The following FILIP1L variants were observed in gnomAD, a reference collection of about 807,000 sequenced individuals.
FILIP1L encodes the protein filamin A-interacting protein 1-like.
FILIP1L carries 55 observed loss-of-function variants against 96.6 expected under a neutral mutation model. The observed-to-expected ratio is 0.57, with a 90% confidence interval of 0.46 to 0.71. The LOEUF is 0.71. FILIP1L is among the 30% of genes least tolerant of loss of function. FILIP1L has a pLI of 0.00. For synonymous variants in FILIP1L, 467 were observed against 473.9 expected (o/e 0.99, Z 0.19); for missense variants, 1,304 against 1,321.2 (o/e 0.99, Z 0.20).
At chr3:99,906,289 G>GTTGAAACTCCCTTTCACATGCTT (rs1432552617) in intron 4 of FILIP1L, among the ~76,000 whole-genome samples, 23 of 152,268 alleles carry the variant, frequency 1.5e-4, no homozygotes, top group Admixed American at 1.3e-4. Flanking sequence ...GATTTATAAT[G>GTTGAAACTCCCTTTCACATGCTT]TTGAAACTCC....
chr3:99,852,495 G>T (rs1453891063), intron 4 of FILIP1L, among the ~76,000 whole-genome samples: 1 of 151,968 alleles, frequency 6.6e-6, no homozygotes, highest in Non-Finnish European at 1.5e-5. Flanking sequence ...CGCCAGGCTG[G>T]AGTGCAGTGG....
chr3:99,968,968 G>GAA (rs11414872), intron 1 of FILIP1L, among the ~76,000 whole-genome samples: 16 of 151,440 alleles, frequency 1.1e-4, no homozygotes, highest in South Asian at 4.2e-4. Flanking sequence ...GAAGCAAAAA[G>GAA]AAAAAAAAAT....
intron 1 of FILIP1L, among the ~76,000 whole-genome samples, chr3:100,000,585 T>C (rs1273020562): frequency 6.6e-6 from 1 of 152,202 alleles, no homozygotes; most frequent in East Asian, 1.9e-4. Flanking sequence ...CGCAGTAGCT[T>C]ATGGCTGTAA....
chr3:99,902,434 A>G lies in FILIP1L; in HGVS notation c.605+21796T>C, dbSNP rs539833488. 2.9e-4 allele frequency among the ~76,000 whole-genome samples: 44 copies of G among 152,346 alleles called. 1 individual carries two copies. In the South Asian group the frequency reaches 8.9e-3, roughly 31 times the overall value. ...AGATGCATTTCCATGGGAGGACATG[A>G]AAAAAGGTAGTGAAAATGAAATACC... is the stretch of plus-strand genomic sequence containing the variant. On this transcript the variant is annotated intron_variant, in intron 4 of 5. Coordinates refer to ENST00000477258, the MANE Select transcript of FILIP1L (RefSeq NM_001387850.1).
At chr3:99,958,566 TG>T (rs1322635003) in intron 1 of FILIP1L, among the ~76,000 whole-genome samples, 1 of 152,088 alleles carries the variant, frequency 6.6e-6, no homozygotes, top group Non-Finnish European at 1.5e-5. Flanking sequence ...CACGGGGAAA[TG>T]GTCACATGGG....
At chr3:99,991,110 C>T (rs1334066050) in intron 1 of FILIP1L, among the ~76,000 whole-genome samples, 1 of 152,118 alleles carries the variant, frequency 6.6e-6, no homozygotes, top group African/African-American at 2.4e-5. Flanking sequence ...AAAATTCTTC[C>T]CATCTCCCCC....
At chr3:100,023,357 C>T (rs528851638) in intron 1 of FILIP1L, 6 of 152,720 alleles carry the variant, frequency 3.9e-5, no homozygotes, top group African/African-American at 1.4e-4. Flanking sequence ...GAAAGTCAAA[C>T]ATGGATGGCA....
intron 1 of FILIP1L, among the ~76,000 whole-genome samples, chr3:100,096,369 A>G (rs2066208580): frequency 6.6e-6 from 1 of 152,238 alleles, no homozygotes; most frequent in South Asian, 2.1e-4. Context: ...CTAAGTGTCC[A>G]TCAACAGATG....
chr3:99,941,222 T>C (rs1052196334), intron 1 of FILIP1L, among the ~76,000 whole-genome samples: 3 of 152,216 alleles, frequency 2.0e-5, no homozygotes, highest in Admixed American at 6.5e-5. Flanking sequence ...GTTGATATTA[T>C]TCTCTTCAAT....
intron 1 of FILIP1L, among the ~76,000 whole-genome samples, chr3:100,039,301 C>T (rs1353669570): frequency 6.6e-6 from 1 of 152,158 alleles, no homozygotes; most frequent in Non-Finnish European, 1.5e-5. Context: ...CACAGTAGTA[C>T]AGCCTATGAA....
chr3:99,860,712 C>A (rs903271285), intron 4 of FILIP1L, among the ~76,000 whole-genome samples: 1 of 152,106 alleles, frequency 6.6e-6, no homozygotes, highest in African/African-American at 2.4e-5. Flanking sequence ...TCAGGCTAGA[C>A]CTGGAAGAAG....
At chr3:99,936,205 G>A (rs999603569) in intron 1 of FILIP1L, among the ~76,000 whole-genome samples, 1 of 151,686 alleles carries the variant, frequency 6.6e-6, no homozygotes, top group African/African-American at 2.4e-5. Context: ...CATTTAATAT[G>A]GTATCGAGGT....
chr3:100,099,771 G>A (rs1355170893), intron 1 of FILIP1L, among the ~76,000 whole-genome samples: 1 of 152,144 alleles, frequency 6.6e-6, no homozygotes, highest in Admixed American at 6.6e-5. Flanking sequence ...CTGTAGCAGT[G>A]GGAACCTAAC....
intron 4 of FILIP1L, among the ~76,000 whole-genome samples, chr3:99,920,837 A>G (rs1707102209): frequency 6.6e-6 from 1 of 152,228 alleles, no homozygotes; most frequent in African/African-American, 2.4e-5. Context: ...ATCCATTATT[A>G]CATCCTCTGA....
At chr3:99,831,252 G>A (rs931850432) in intron 5 of FILIP1L, among the ~76,000 whole-genome samples, 1 of 152,150 alleles carries the variant, frequency 6.6e-6, no homozygotes, top group Non-Finnish European at 1.5e-5. Context: ...TCAGGAAAAC[G>A]TTTACTTAGA....
At chr3:100,027,541 A>T (rs1289928786) in intron 1 of FILIP1L, among the ~76,000 whole-genome samples, 2 of 152,160 alleles carry the variant, frequency 1.3e-5, no homozygotes, top group Non-Finnish European at 2.9e-5. Context: ...AGGAAACCAC[A>T]GATGAGTTCT....
At chr3:99,945,125 G>T (rs1449914752) in intron 1 of FILIP1L, among the ~76,000 whole-genome samples, 1 of 152,210 alleles carries the variant, frequency 6.6e-6, no homozygotes, top group Non-Finnish European at 1.5e-5. Context: ...TCTCCCTGAT[G>T]CTTTTTGGTG....
At chr3:99,921,381 A>C (rs1241429700) in intron 4 of FILIP1L, among the ~76,000 whole-genome samples, 4 of 152,170 alleles carry the variant, frequency 2.6e-5, no homozygotes, top group Admixed American at 6.5e-5. Flanking sequence ...GATAGAAGTC[A>C]GTTATGCCTC....
chr3:99,895,391 T>G (rs1706217012), intron 4 of FILIP1L, among the ~76,000 whole-genome samples: 1 of 151,952 alleles, frequency 6.6e-6, no homozygotes, highest in Admixed American at 6.5e-5. Context: ...TTTTTTTTTT[T>G]TTTTACTATG....
Sources: allele counts gnomAD v4.1 joint callset (sites outside exome capture counted in the v4.1 genomes callset), GRCh38; gene constraint gnomAD v4.1.1; transcripts MANE v1.5; gene names NCBI Gene and HGNC (gene_info 2026-07-23, HGNC 2026-07-21).